CAPN2: variants seen among roughly 807,000 people sequenced by gnomAD.
CAPN2 encodes the protein calpain-2 catalytic subunit.
CAPN2 carries 92 observed loss-of-function variants against 102.3 expected under a neutral mutation model. That is an observed-to-expected ratio of 0.90 (90% CI 0.76 to 1.07). The LOEUF (loss-of-function observed/expected upper bound fraction) is 1.07. Ranked by LOEUF, CAPN2 falls within the 50% of genes least tolerant of loss-of-function variation. The pLI is 0.00. For missense variants in CAPN2, 800 were observed against 909.4 expected, an observed-to-expected ratio of 0.88 and a Z score of 1.55; for synonymous variants, 340 against 355.4, an observed-to-expected ratio of 0.96 and a Z score of 0.49.
chr1:223,713,058 T>TG (rs1288601487), intron 1 of CAPN2, among the ~76,000 whole-genome samples, 181 bp downstream of exon 1: 1 of 152,136 alleles, frequency 6.6e-6, no homozygotes, highest in Non-Finnish European at 1.5e-5. Context: ...TGTTCGAGCG[T>TG]GGGGGGACTC....
chr1:223,711,220 C>CT (rs1213124566), upstream of CAPN2, among the ~76,000 whole-genome samples: 1 of 152,206 alleles, frequency 6.6e-6, no homozygotes, highest in Non-Finnish European at 1.5e-5. Flanking sequence ...TTGAGAACCA[C>CT]TGCTGTAGAC....
At chr1:223,747,680 G>A (rs1265181665) in intron 5 of CAPN2, among the ~76,000 whole-genome samples, 3 of 152,154 alleles carry the variant, frequency 2.0e-5, no homozygotes, top group East Asian at 1.9e-4. Flanking sequence ...AGGACCAGAC[G>A]TCATTGTTTT....
chr1:223,746,722 C>T (rs1209218724), intron 4 of CAPN2, among the ~76,000 whole-genome samples: 3 of 152,106 alleles, frequency 2.0e-5, no homozygotes, highest in East Asian at 3.9e-4. Context: ...TCAAGTGATC[C>T]GCCCACCTCG....
At chr1:223,773,619 G>C (rs1222884105) in intron 20 of CAPN2, among the ~76,000 whole-genome samples, 2 of 152,012 alleles carry the variant, frequency 1.3e-5, no homozygotes, top group African/African-American at 4.8e-5. Context: ...GCTTGAACCC[G>C]GGAGGCGGAG....
intron 2 of CAPN2, among the ~76,000 whole-genome samples, chr1:223,721,178 A>C (rs1660042071): frequency 1.3e-5 from 2 of 152,188 alleles, no homozygotes; most frequent in Non-Finnish European, 2.9e-5. Flanking sequence ...TGCAGAATAT[A>C]GTTGTGTAAG....
intron 7 of CAPN2, among the ~76,000 whole-genome samples, chr1:223,751,709 C>T (rs1388869944): frequency 6.6e-6 from 1 of 152,276 alleles, no homozygotes. Flanking sequence ...GCTACTCCAT[C>T]TCCCTCTAAT....
intron 1 of CAPN2, among the ~76,000 whole-genome samples, chr1:223,717,401 G>A (rs1283545022): frequency 6.6e-6 from 1 of 152,196 alleles, no homozygotes; most frequent in African/African-American, 2.4e-5. Context: ...GAGAGAGGAT[G>A]CTAACCCAGT....
chr1:223,753,066 G>A, intron 9 of CAPN2, 110 bp downstream of exon 9: 3 of 971,918 alleles, frequency 3.1e-6, no homozygotes, highest in Admixed American at 2.1e-5. Flanking sequence ...CCAGGAGGCA[G>A]CTCCTGCTCA....
intron 5 of CAPN2, among the ~76,000 whole-genome samples, 173 bp downstream of exon 5, chr1:223,747,338 T>A (rs1328737806): frequency 6.6e-6 from 1 of 152,116 alleles, no homozygotes; most frequent in Non-Finnish European, 1.5e-5. Flanking sequence ...GAAAATCAAC[T>A]GGCAAAAGGA....
At chr1:223,744,898 A>G (rs1660714530) in intron 3 of CAPN2, among the ~76,000 whole-genome samples, 1 of 151,898 alleles carries the variant, frequency 6.6e-6, no homozygotes, top group Admixed American at 6.6e-5. Flanking sequence ...AAAAAAAATT[A>G]GCCGGGTGTG....
chr1:223,747,004 G>T lies in CAPN2; in HGVS notation c.568G>T (p.Gly190Ter). The stretch of plus-strand genomic sequence containing the variant: ...TCTAATCCCCTCTTGTAGGATCAAC[G>T]GATGCTATGAAGCGCTATCAGGGGG... The part of the protein sequence containing the change: ...LLEKAYAKIN[G>*]CYEALSGGAT... Residue 190 changes from glycine to a stop codon, truncating the protein, a stop_gained, in exon 5 of 21, where the codon GGA (glycine) becomes TGA (stop). Coordinates refer to ENST00000295006, the MANE Select transcript of CAPN2 (RefSeq NM_001748.5). LOFTEE classifies it high-confidence loss of function. 6.2e-7 allele frequency: 1 copy of T among 1,613,346 alleles called. No homozygotes were observed. The highest frequency in any genetic ancestry group is 8.5e-7 in the Non-Finnish European group (1 of 1,179,570).
Position 223,759,114 on chromosome 1 carries a change from G to C in CAPN2, c.1318-156G>C, listed in dbSNP as rs1263452443. The C allele has an allele frequency of 4.5e-5, 31 of 689,050 alleles. No homozygotes were observed. Among genetic ancestry groups the C allele is most frequent in the South Asian group, 1.7e-5 (1 of 59,942 alleles). 42.7% of individuals were successfully genotyped at this position (689,050 alleles called of 1,614,324 possible). A position where few individuals can be genotyped will look rare whatever the true frequency, so the allele number is the denominator to read the frequency against. ...AGATGAGGGCTTCCTGTGTTGCCCA[G>C]GCTGGTTTCTGACGCCTGGCCTCGC... On this transcript the variant is annotated intron_variant, in intron 11 of 20. Transcript: ENST00000295006. The surrounding 1 kb of genome is among the most constrained non-coding windows in gnomAD (Gnocchi z 4.6).
rs113764819 is a variant in CAPN2, at chr1:223,741,175, T to C, written c.308-2925T>C. On this transcript the variant is annotated intron_variant, in intron 2 of 20. Coordinates refer to ENST00000295006, the MANE Select transcript of CAPN2 (RefSeq NM_001748.5). ...TGTAGATCTTGTCACTGAGAACGCT[T>C]ACACGAGCAGATATTAAAATAAAGG... 5.7e-4 allele frequency among the ~76,000 whole-genome samples: 69 copies of C among 120,868 alleles called. 3 individuals carry two copies. Among genetic ancestry groups the C allele is most frequent in the African/African-American group, 1.9e-3 (60 of 32,122 alleles). 79.3% of individuals were successfully genotyped at this position (120,868 alleles called of 152,430 possible). A position where few individuals can be genotyped will look rare whatever the true frequency, so the allele number is the denominator to read the frequency against.
At chr1:223,763,403 CCT>C (rs777702553) in intron 14 of CAPN2, among the ~76,000 whole-genome samples, 1 of 152,180 alleles carries the variant, frequency 6.6e-6, no homozygotes, top group African/African-American at 2.4e-5. Context: ...TCTTCTTTCC[CCT>C]CTGATTGAAT....
chr1:223,748,944 C>T (rs1218619070), intron 5 of CAPN2, 95 bp from the exon 6 acceptor site: 3 of 1,171,230 alleles, frequency 2.6e-6, no homozygotes, highest in East Asian at 2.5e-5. Context: ...CTAGTGCGTC[C>T]GGCGGTCCCG....
intron 20 of CAPN2, 67 bp downstream of exon 20, chr1:223,772,306 C>CT: frequency 7.4e-7 from 1 of 1,343,304 alleles, no homozygotes; most frequent in Non-Finnish European, 1.1e-6. Flanking sequence ...AGGGCTGTTA[C>CT]TTGAGTGATC....
chr1:223,729,619 A>G (rs1264350675), intron 2 of CAPN2, among the ~76,000 whole-genome samples: 1 of 152,196 alleles, frequency 6.6e-6, no homozygotes, highest in Non-Finnish European at 1.5e-5. Context: ...TGGGGAAGGC[A>G]CAGGGGCTGG....
At chr1:223,712,931 T>TGCCGG (rs1659778569) in intron 1 of CAPN2, 54 bp downstream of exon 1, 3 of 1,263,800 alleles carry the variant, frequency 2.4e-6, no homozygotes, top group African/African-American at 3.2e-5. Flanking sequence ...CAGGGCGGGG[T>TGCCGG]GCAGGCCGGC....
chr1:223,765,879 CACTT>C (rs1467534058), intron 15 of CAPN2, among the ~76,000 whole-genome samples: 4 of 152,206 alleles, frequency 2.6e-5, no homozygotes, highest in Non-Finnish European at 4.4e-5. Flanking sequence ...GGACAGGACT[CACTT>C]AGTGCAGCAC....
Sources: allele counts gnomAD v4.1 joint callset (sites outside exome capture counted in the v4.1 genomes callset), GRCh38; gene constraint gnomAD v4.1.1; non-coding constraint Gnocchi (gnomAD v3.1); transcripts MANE v1.5; gene names NCBI Gene and HGNC (gene_info 2026-07-23, HGNC 2026-07-21).